Variants in RERG observed in about 807,000 individuals in gnomAD.
RERG encodes the protein ras-related and estrogen-regulated growth inhibitor.
A neutral mutation model predicts 23.2 loss-of-function variants in RERG; 25 were observed. That is an observed-to-expected ratio of 1.08 (90% CI 0.79 to 1.50). The LOEUF (loss-of-function observed/expected upper bound fraction) is 1.50, where lower values mean the gene tolerates loss of function less well. Among genes scored for constraint, RERG ranks in the 40% most tolerant of loss-of-function variants. The pLI is 0.00. For missense variants in RERG, 253 were observed against 250.1 expected (o/e 1.01, Z -0.08); for synonymous variants, 81 against 89.1 (o/e 0.91, Z 0.51).
intron 3 of RERG, chr12:15,114,562 T>G (rs1591632388): frequency 6.6e-6 from 1 of 152,294 alleles, no homozygotes; most frequent in East Asian, 1.9e-4. Context: ...ATTATAAAGT[T>G]ATAAAGCTAG....
chr12:15,112,820 A>C (rs1863645697), intron 3 of RERG, among the ~76,000 whole-genome samples: 2 of 152,222 alleles, frequency 1.3e-5, no homozygotes, highest in South Asian at 2.1e-4. Context: ...AGTGGAAATT[A>C]TTGAGGTTGT....
At chr12:15,215,724 G>A (rs1240891219) in intron 2 of RERG, among the ~76,000 whole-genome samples, 2 of 152,090 alleles carry the variant, frequency 1.3e-5, no homozygotes, top group African/African-American at 4.8e-5. Context: ...ACATGCGTGA[G>A]GAAAAATGGT....
In RERG at chr12:15,109,962, A is replaced by T. The variant is rs577271051; in HGVS notation, c.193-445T>A. On this transcript the variant is annotated intron_variant, in intron 4 of 4. Coordinates refer to ENST00000256953, the MANE Select transcript of RERG (RefSeq NM_032918.3). ...CAAGATGCATTTTGGTTTATTTATT[A>T]TTTTTTTGGTTTGTTGTTTGTTTTA... Among the ~76,000 whole-genome samples the T allele has an allele frequency of 5.9e-5, 9 of 152,184 alleles. No individual in the cohort carries two copies. In the East Asian group the frequency reaches 1.3e-3, roughly 23 times the overall value.
intron 2 of RERG, among the ~76,000 whole-genome samples, chr12:15,144,183 A>G (rs1262602513): frequency 3.3e-5 from 5 of 152,216 alleles, no homozygotes; most frequent in African/African-American, 1.2e-4. Flanking sequence ...AGACTGCAGG[A>G]AAAGCAGGTT....
chr12:15,189,248 T>A (rs1369714960), intron 2 of RERG, among the ~76,000 whole-genome samples: 2 of 152,208 alleles, frequency 1.3e-5, no homozygotes, highest in Non-Finnish European at 2.9e-5. Context: ...AAAGTCTTTA[T>A]AGTGACCTGC....
At chr12:15,218,738 T>A (rs1431971101) in intron 1 of RERG, among the ~76,000 whole-genome samples, 2 of 151,948 alleles carry the variant, frequency 1.3e-5, no homozygotes, top group Non-Finnish European at 2.9e-5. Context: ...CTTTGCTCCA[T>A]CCTAGGCTTC....
intron 2 of RERG, 36 bp downstream of exon 2, chr12:15,217,393 A>G: frequency 7.1e-7 from 1 of 1,415,456 alleles, no homozygotes; most frequent in Non-Finnish European, 1.0e-6. Flanking sequence ...ACTCACCCAC[A>G]CACACACACT....
At chr12:15,117,312 G>A in intron 3 of RERG, among the ~76,000 whole-genome samples, 1 of 151,974 alleles carries the variant, frequency 6.6e-6, no homozygotes, top group East Asian at 1.9e-4. Flanking sequence ...TTACTTCTTG[G>A]TACCTGTTTC....
In RERG at chr12:15,109,379, C is replaced by T; in HGVS notation, c.331G>A (p.Val111Met). The T allele has an allele frequency of 1.9e-6, 3 of 1,614,086 alleles. No individual in the cohort carries two copies. Among genetic ancestry groups the T allele is most frequent in the Non-Finnish European group, 2.5e-6 (3 of 1,180,010 alleles). ...TTGTTTCCAACCAAGATGAGAGTCA[C>T]ATTCTTGGGCTTTTTGATCTCATCT... The part of the protein sequence containing the change: ...ILDEIKKPKN[V>M]TLILVGNKAD... The change falls in exon 5 of 5, where the codon GTG becomes ATG. Residue 111 changes from valine (V) to methionine (M), a missense_variant. Physicochemically the swap from Val to Met is conservative, Grantham distance 21. Coordinates refer to ENST00000256953, the MANE Select transcript of RERG (RefSeq NM_032918.3).
At chr12:15,146,375 T>C (rs60226942) in intron 2 of RERG, among the ~76,000 whole-genome samples, 3,767 of 152,300 alleles carry the variant, frequency 0.025, 150 homozygotes, top group African/African-American at 0.086. Context: ...AGCCATATTT[T>C]ACAGACATCA....
intron 3 of RERG, among the ~76,000 whole-genome samples, chr12:15,120,681 T>A (rs1863815237): frequency 6.6e-6 from 1 of 152,136 alleles, no homozygotes; most frequent in South Asian, 2.1e-4. Flanking sequence ...AAATCCATAT[T>A]CAGTAGTTTT....
intron 2 of RERG, among the ~76,000 whole-genome samples, chr12:15,159,893 C>T (rs1192822811): frequency 2.0e-5 from 3 of 152,116 alleles, no homozygotes; most frequent in Non-Finnish European, 4.4e-5. Flanking sequence ...ATTTATCTTC[C>T]AAACAATGGA....
chr12:15,138,306 T>C (rs757463393), intron 2 of RERG: 6 of 157,190 alleles, frequency 3.8e-5, no homozygotes, highest in Non-Finnish European at 7.0e-5. Flanking sequence ...GTATGTTGCA[T>C]GGAAAATAAC....
At chr12:15,110,455 A>ATTTTT (rs1257915419) in intron 4 of RERG, among the ~76,000 whole-genome samples, 4 of 59,324 alleles carry the variant, frequency 6.7e-5, no homozygotes, top group Admixed American at 1.8e-4. Flanking sequence ...TCCAGTGGCC[A>ATTTTT]TTTTTTTCTT....
At chr12:15,167,208 C>T (rs1208828993) in intron 2 of RERG, among the ~76,000 whole-genome samples, 2 of 152,162 alleles carry the variant, frequency 1.3e-5, no homozygotes, top group Non-Finnish European at 2.9e-5. Flanking sequence ...AGACACTAGA[C>T]TTGGCCTGGG....
intron 2 of RERG, among the ~76,000 whole-genome samples, chr12:15,208,882 G>A (rs905667847): frequency 1.2e-4 from 18 of 151,862 alleles, no homozygotes; most frequent in Admixed American, 1.0e-3. Flanking sequence ...CTGATAAGGC[G>A]TAAGTCTAAG....
chr12:15,185,185 G>A (rs953886836), intron 2 of RERG, among the ~76,000 whole-genome samples: 3 of 151,988 alleles, frequency 2.0e-5, no homozygotes, highest in African/African-American at 4.8e-5. Context: ...ACATAAATCG[G>A]ACCCAAATTC....
At chr12:15,220,738 T>A (rs1300845180) in intron 1 of RERG, among the ~76,000 whole-genome samples, 1 of 152,146 alleles carries the variant, frequency 6.6e-6, no homozygotes, top group Non-Finnish European at 1.5e-5. Flanking sequence ...GGCCTGGAAA[T>A]GAGATTCTCT....
At chr12:15,200,241 T>C (rs1317389451) in intron 2 of RERG, among the ~76,000 whole-genome samples, 1 of 152,106 alleles carries the variant, frequency 6.6e-6, no homozygotes, top group Non-Finnish European at 1.5e-5. Flanking sequence ...GATGCTTGGC[T>C]TGAGGAATTT....
Sources: allele counts gnomAD v4.1 joint callset (sites outside exome capture counted in the v4.1 genomes callset), GRCh38; gene constraint gnomAD v4.1.1; transcripts MANE v1.5; gene names NCBI Gene and HGNC (gene_info 2026-07-23, HGNC 2026-07-21).